PXDNL: variants seen among roughly 807,000 people sequenced by gnomAD.
PXDNL encodes peroxidasin like, also known as probable oxidoreductase PXDNL.
Under a neutral mutation model 150.8 loss-of-function variants are expected in PXDNL, and 145 were observed. The observed-to-expected ratio is 0.96, with a 90% CI of 0.84 to 1.10. PXDNL has a LOEUF of 1.10. Among genes scored for constraint, PXDNL ranks in the 50% least tolerant of loss-of-function variants. The pLI, the probability that PXDNL is intolerant of heterozygous loss-of-function variation, is 0.00. For synonymous variants in PXDNL, 757 were observed against 725.7 expected, an observed-to-expected ratio of 1.04 and a Z score of -0.69; for missense variants, 2,087 against 1,873.9, an observed-to-expected ratio of 1.11 and a Z score of -2.10.
intron 4 of PXDNL, among the ~76,000 whole-genome samples, chr8:51,552,934 G>A (rs553205326): frequency 3.1e-4 from 47 of 152,164 alleles, no homozygotes; most frequent in Non-Finnish European, 5.7e-4. Flanking sequence ...CCACAGCTGT[G>A]AGCCTGTGAA....
At chr8:51,411,146 A>T in intron 16 of PXDNL, 104 bp downstream of exon 16, 1 of 986,470 alleles carries the variant, frequency 1.0e-6, no homozygotes, top group Non-Finnish European at 1.4e-6. Flanking sequence ...TAATTTCTAA[A>T]TCCCATGATA....
chr8:51,349,893 C>T (rs1436697443), intron 19 of PXDNL, among the ~76,000 whole-genome samples: 1 of 152,100 alleles, frequency 6.6e-6, no homozygotes, highest in South Asian at 2.1e-4. Flanking sequence ...ATTTTCAACA[C>T]TTTCAACACC....
At chr8:51,687,598 T>C (rs543366076) in intron 1 of PXDNL, among the ~76,000 whole-genome samples, 1 of 152,348 alleles carries the variant, frequency 6.6e-6, no homozygotes, top group Admixed American at 6.5e-5. Flanking sequence ...CATGACTGAT[T>C]CCACTTGACC....
intron 1 of PXDNL, among the ~76,000 whole-genome samples, chr8:51,806,058 T>C (rs1018665513): frequency 2.0e-5 from 3 of 152,252 alleles, no homozygotes; most frequent in Non-Finnish European, 2.9e-5. Context: ...TGGTAAATGA[T>C]ATTAGTTTAG....
chr8:51,491,752 G>A (rs936099089), intron 5 of PXDNL, among the ~76,000 whole-genome samples: 1 of 152,182 alleles, frequency 6.6e-6, no homozygotes, highest in African/African-American at 2.4e-5. Context: ...AGGCTTGGTG[G>A]TTTATTGCTA....
intron 17 of PXDNL, among the ~76,000 whole-genome samples, chr8:51,391,230 G>C (rs539222852): frequency 4.7e-4 from 71 of 152,236 alleles, no homozygotes; most frequent in African/African-American, 1.6e-3. Context: ...ATAGCAGCAT[G>C]ATTTATAGTC....
chr8:51,650,152 T>C (rs1010428983), intron 2 of PXDNL, among the ~76,000 whole-genome samples: 2 of 149,148 alleles, frequency 1.3e-5, no homozygotes, highest in Non-Finnish European at 3.0e-5. Context: ...ATTGATTCCA[T>C]AGGAGTACTG....
At chr8:51,350,312 A>C (rs539188490) in intron 19 of PXDNL, among the ~76,000 whole-genome samples, 1 of 147,714 alleles carries the variant, frequency 6.8e-6, no homozygotes, top group South Asian at 2.1e-4. Context: ...CTAGGAAAAG[A>C]CTAGCCCTCC....
intron 2 of PXDNL, among the ~76,000 whole-genome samples, chr8:51,625,930 T>C (rs957444871): frequency 1.3e-5 from 2 of 152,214 alleles, no homozygotes; most frequent in Non-Finnish European, 2.9e-5. Context: ...TATCTTACAG[T>C]CTTTGAGCCT....
At chr8:51,636,903 G>A (rs1008868654) in intron 2 of PXDNL, among the ~76,000 whole-genome samples, 2 of 149,868 alleles carry the variant, frequency 1.3e-5, no homozygotes, top group Admixed American at 1.3e-4. Flanking sequence ...CCTCAAGTGG[G>A]TCCCTGACCC....
At chr8:51,625,147 C>G (rs368264966) in intron 2 of PXDNL, among the ~76,000 whole-genome samples, 4 of 152,200 alleles carry the variant, frequency 2.6e-5, no homozygotes, top group South Asian at 4.1e-4. Context: ...ACTTTGGAGT[C>G]AGAGTGAAAG....
At chr8:51,444,106 C>T (rs1487285192) in intron 12 of PXDNL, among the ~76,000 whole-genome samples, 1 of 152,092 alleles carries the variant, frequency 6.6e-6, no homozygotes, top group African/African-American at 2.4e-5. Flanking sequence ...GTAATATTTC[C>T]CCCTGTTTCA....
intron 4 of PXDNL, among the ~76,000 whole-genome samples, chr8:51,505,739 A>G (rs202011125): frequency 2.0e-5 from 3 of 152,324 alleles, no homozygotes; most frequent in East Asian, 1.9e-4. Flanking sequence ...ATAAGATGTC[A>G]ACAATCCTAG....
chr8:51,569,099 T>C (rs2130586108), intron 3 of PXDNL, among the ~76,000 whole-genome samples: 1 of 152,066 alleles, frequency 6.6e-6, no homozygotes, highest in Non-Finnish European at 1.5e-5. Context: ...CTGAGTCTAG[T>C]TCTGATGCCA....
intron 3 of PXDNL, among the ~76,000 whole-genome samples, chr8:51,589,398 A>C (rs1813393344): frequency 6.6e-6 from 1 of 152,192 alleles, no homozygotes; most frequent in Non-Finnish European, 1.5e-5. Flanking sequence ...GATTGCCATG[A>C]ACAGAATGTT....
chr8:51,791,166 A>G (rs966269330), intron 1 of PXDNL, among the ~76,000 whole-genome samples: 3 of 152,218 alleles, frequency 2.0e-5, no homozygotes, highest in Non-Finnish European at 4.4e-5. Context: ...TCTGGGATCC[A>G]GGGTCCTAAA....
intron 4 of PXDNL, among the ~76,000 whole-genome samples, chr8:51,548,285 A>G (rs1221851108): frequency 6.6e-6 from 1 of 152,224 alleles, no homozygotes; most frequent in African/African-American, 2.4e-5. Context: ...TAATCAAGGA[A>G]ATCTTCCCTG....
chr8:51,724,817 A>G (rs1195235818), intron 1 of PXDNL, among the ~76,000 whole-genome samples: 3 of 152,094 alleles, frequency 2.0e-5, no homozygotes, highest in Non-Finnish European at 2.9e-5. Flanking sequence ...TGTGAGTGCC[A>G]TGAACTCTAT....
intron 14 of PXDNL, among the ~76,000 whole-genome samples, chr8:51,421,194 A>G (rs1393701490): frequency 6.6e-6 from 1 of 152,182 alleles, no homozygotes; most frequent in Non-Finnish European, 1.5e-5. Context: ...AAAGATTTTT[A>G]GCATTTCTAA....
Sources: allele counts gnomAD v4.1 joint callset (sites outside exome capture counted in the v4.1 genomes callset), GRCh38; gene constraint gnomAD v4.1.1; transcripts MANE v1.5; gene names NCBI Gene and HGNC (gene_info 2026-07-23, HGNC 2026-07-21).